The following ZNF502 variants were observed in gnomAD, a reference collection of about 807,000 sequenced individuals.
The protein encoded by ZNF502 is zinc finger protein 502.
A neutral mutation model predicts 43.6 loss-of-function variants in ZNF502; 29 were observed. That is an observed-to-expected ratio of 0.67 (90% CI 0.50 to 0.91). ZNF502 has a LOEUF of 0.91. ZNF502 is among the 40% of genes least tolerant of loss of function. The pLI, the probability that ZNF502 is intolerant of heterozygous loss-of-function variation, is 0.00. For missense variants in ZNF502, 591 were observed against 647.2 expected, an observed-to-expected ratio of 0.91 and a Z score of 0.94; for synonymous variants, 171 against 207.4, an observed-to-expected ratio of 0.82 and a Z score of 1.51.
Position 44,720,237 on chromosome 3 carries a change from A to T in ZNF502, c.-25A>T. 2 of 1,613,940 alleles carry T rather than the reference A, an allele frequency of 1.2e-6. No individual in the cohort carries two copies. The highest frequency in any genetic ancestry group is 1.7e-6 in the Non-Finnish European group (2 of 1,179,878). On this transcript the variant is annotated 5_prime_UTR_variant, in exon 2 of 3. Coordinates refer to ENST00000436624, the MANE Select transcript of ZNF502 (RefSeq NM_001134442.3). ...TTTTCCAGACCTGAAGTGTTTTCCA[A>T]TCAAAGCGAAGAGACGATCTGTGGA...
At chr3:44,718,838 A>G (rs1704218839) in intron 1 of ZNF502, among the ~76,000 whole-genome samples, 1 of 152,126 alleles carries the variant, frequency 6.6e-6, no homozygotes, top group Admixed American at 6.5e-5. Flanking sequence ...AGCGTCTAGC[A>G]CTGATTAGTC....
rs1320178775 is a variant in ZNF502, at chr3:44,722,523, G to A, written c.*71G>A. ...GAATCTGACTGGGAGTAGAGGGGCA[G>A]GTAGAGTTCCTGGAGGGAAGGATGA... On this transcript the variant is annotated 3_prime_UTR_variant, in exon 3 of 3. Transcript: ENST00000436624. 4.6e-6 allele frequency: 7 copies of A among 1,518,392 alleles called. No homozygotes were observed. Among genetic ancestry groups the A allele is most frequent in the Non-Finnish European group, 5.3e-6 (6 of 1,138,424 alleles). 94.1% of individuals were successfully genotyped at this position (1,518,392 alleles called of 1,614,324 possible). A position where few individuals can be genotyped will look rare whatever the true frequency, so the allele number is the denominator to read the frequency against.
chr3:44,722,629 G>T lies in ZNF502; in HGVS notation c.*177G>T. 1.3e-6 allele frequency: 1 copy of T among 770,538 alleles called. No homozygotes were observed. The highest frequency in any genetic ancestry group is 2.6e-5 in the East Asian group (1 of 38,148). The allele number at this position is 770,538 out of a possible 1,614,324, so 47.7% of individuals were successfully genotyped here. A position where few individuals can be genotyped will look rare whatever the true frequency, so the allele number is the denominator to read the frequency against. On this transcript the variant is annotated 3_prime_UTR_variant, in exon 3 of 3. Transcript: ENST00000436624. ...CTTAGGGAATGCAGAGCCTACTTGA[G>T]GTGGGCATCTGGGAATACAGGGTAG...
rs1467780121 is a variant in ZNF502, at chr3:44,722,065, C to T, written c.1248C>T (p.Phe416=). 13 of 1,614,146 alleles carry T rather than the reference C, an allele frequency of 8.1e-6. No homozygotes were observed. The highest frequency in any genetic ancestry group is 1.7e-5 in the Admixed American group (1 of 60,022). ...AATGCAGTGAATGTGGTAAAGCCTT[C>T]ATTCAGAGCATTTGCCTTATTCGGC... is the stretch of plus-strand genomic sequence containing the variant. ...PYKCSECGKA[F]IQSICLIRHQ... Residue 416 remains phenylalanine, a synonymous_variant, in exon 3 of 3, where the codon TTC becomes TTT. Transcript: ENST00000436624.
intron 1 of ZNF502, among the ~76,000 whole-genome samples, chr3:44,713,140 A>G (rs185765024): frequency 6.6e-6 from 1 of 152,314 alleles, no homozygotes; most frequent in East Asian, 1.9e-4. Context: ...CTGTTTTTAT[A>G]GGAGACGGCA....
At chr3:44,718,882 A>T (rs1395210890) in intron 1 of ZNF502, among the ~76,000 whole-genome samples, 1 of 151,892 alleles carries the variant, frequency 6.6e-6, no homozygotes, top group African/African-American at 2.4e-5. Flanking sequence ...TGAGTCTCTG[A>T]GTCTCTGTAG....
chr3:44,722,568 C>A lies in ZNF502; in HGVS notation c.*116C>A. 7.5e-7 allele frequency: 1 copy of A among 1,324,946 alleles called. No individual in the cohort carries two copies. Among genetic ancestry groups the A allele is most frequent in the Non-Finnish European group, 1.0e-6 (1 of 982,662 alleles). 82.1% of individuals were successfully genotyped at this position (1,324,946 alleles called of 1,614,324 possible). On this transcript the variant is annotated 3_prime_UTR_variant, in exon 3 of 3. Transcript: ENST00000436624. ...GGATGAAGGAGCCTTGGCTACTGTA[C>A]TCTGAGAGGAATGTTTCCAGAAATG...
chr3:44,717,585 A>G (rs1704181751), intron 1 of ZNF502, among the ~76,000 whole-genome samples: 1 of 151,160 alleles, frequency 6.6e-6, no homozygotes, highest in Non-Finnish European at 1.5e-5. Context: ...CTAATTTTGT[A>G]TTTTTAGTAG....
At position 44,721,545 on chromosome 3, in the gene ZNF502, A is replaced by T. The variant is rs7640654; in HGVS notation, c.728A>T (p.Glu243Val). The T allele has an allele frequency of 3.7e-5, 60 of 1,613,742 alleles. No individual in the cohort carries two copies. In the Admixed American group the frequency reaches 9.8e-4, roughly 26 times the overall value. Reference protein sequence around the residue: ...HTGEKPYKCNECGNSFRNHSH... With the variant: ...HTGEKPYKCNVCGNSFRNHSH... ...GGAGAGAAACCTTATAAATGCAATGAATGTGGGAATTCCTTCCGCAATCAC... is the reference window on the plus strand; with the variant it reads ...GGAGAGAAACCTTATAAATGCAATGTATGTGGGAATTCCTTCCGCAATCAC... The change falls in exon 3 of 3, where the codon GAA (glutamate) becomes GTA (valine). Residue 243 changes from glutamate to valine, a missense_variant. Glu to Val is a moderately radical substitution (Grantham distance 121). Transcript: ENST00000436624.
chr3:44,715,741 C>CT lies in ZNF502; in HGVS notation c.-60+3002dup, dbSNP rs1293349661. Among the ~76,000 whole-genome samples, 4 of 152,288 alleles carry CT rather than the reference C, an allele frequency of 2.6e-5. No homozygotes were observed. In the South Asian group the frequency reaches 6.2e-4, roughly 24 times the overall value. The stretch of plus-strand genomic sequence containing the variant: ...TTTAATTTTTGAGAGGGATCTCACT[C>CT]TGTCACCCAGGTTGGAATGCAATGG... On this transcript the variant is annotated intron_variant, in intron 1 of 2. Transcript: ENST00000436624.
rs759632314 is a variant in ZNF502 at position 44,721,761 on chromosome 3, G to T, written c.944G>T (p.Arg315Ile). Reference sequence around the variant, plus strand: ...CACTCAAATCTTACGCAACATCAGAGAATTCACACTGGGGAAAAACCCCAT... The same window carrying T: ...CACTCAAATCTTACGCAACATCAGATAATTCACACTGGGGAAAAACCCCAT... ...RKHSNLTQHQRIHTGEKPHKC... is the reference protein window; with the variant it reads ...RKHSNLTQHQIIHTGEKPHKC... Residue 315 changes from arginine (R) to isoleucine (I), a missense_variant, in exon 3 of 3, where the codon AGA (arginine) becomes ATA (isoleucine). Transcript: ENST00000436624. 1.2e-6 allele frequency: 2 copies of T among 1,613,536 alleles called. No homozygotes were observed. Among genetic ancestry groups the T allele is most frequent in the South Asian group, 1.1e-5 (1 of 91,028 alleles).
intron 1 of ZNF502, among the ~76,000 whole-genome samples, chr3:44,719,975 T>C (rs748969484): frequency 2.6e-5 from 4 of 152,222 alleles, no homozygotes; most frequent in Non-Finnish European, 5.9e-5. Flanking sequence ...AAATATTTGA[T>C]AGTATGTTAG....
intron 1 of ZNF502, among the ~76,000 whole-genome samples, chr3:44,716,254 C>G (rs1263428939): frequency 1.5e-4 from 23 of 149,018 alleles, no homozygotes; most frequent in African/African-American, 5.7e-4. Context: ...GTGGCGTGAT[C>G]TCGGCTCACT....
chr3:44,720,753 C>A lies in ZNF502; in HGVS notation c.56-120C>A, dbSNP rs1704291683. The A allele has an allele frequency of 9.0e-6, 10 of 1,108,264 alleles. No homozygotes were observed. In the East Asian group the frequency reaches 2.4e-4, roughly 26 times the overall value. The allele number at this position is 1,108,264 out of a possible 1,614,324, so 68.7% of individuals were successfully genotyped here. A position where few individuals can be genotyped will look rare whatever the true frequency, so the allele number is the denominator to read the frequency against. Reference sequence around the variant, plus strand: ...AACTCTAACTTACTTGCCACACTTGCTGTTACTGGCCCTTCATCATAGGCC... The same window carrying A: ...AACTCTAACTTACTTGCCACACTTGATGTTACTGGCCCTTCATCATAGGCC... On this transcript the variant is annotated intron_variant, in intron 2 of 2. Coordinates refer to ENST00000436624, the MANE Select transcript of ZNF502 (RefSeq NM_001134442.3).
At chr3:44,716,639 C>T (rs1247746548) in intron 1 of ZNF502, among the ~76,000 whole-genome samples, 2 of 152,176 alleles carry the variant, frequency 1.3e-5, no homozygotes, top group African/African-American at 2.4e-5. Context: ...ACTTTCACAC[C>T]TGATGTATAT....
Position 44,723,260 on chromosome 3 carries a change from A to G in ZNF502, c.*808A>G, listed in dbSNP as rs1035591724. The G allele has an allele frequency of 4.6e-5, 7 of 152,220 alleles. No homozygotes were observed. Among genetic ancestry groups the G allele is most frequent in the Admixed American group, 3.9e-4 (6 of 15,280 alleles). The allele number at this position is 152,220 out of a possible 1,614,324, so 9.4% of individuals were successfully genotyped here. A position where few individuals can be genotyped will look rare whatever the true frequency, so the allele number is the denominator to read the frequency against. On this transcript the variant is annotated 3_prime_UTR_variant, in exon 3 of 3. Coordinates refer to ENST00000436624, the MANE Select transcript of ZNF502 (RefSeq NM_001134442.3). Reference sequence around the variant, plus strand: ...CTCAGAGGAAATATGGTTACCCAGGAAAGAAATGGTCTGCTAGAGTGATAA... The same window carrying G: ...CTCAGAGGAAATATGGTTACCCAGGGAAGAAATGGTCTGCTAGAGTGATAA...
Position 44,721,593 on chromosome 3 carries a change from G to T in ZNF502, c.776G>T (p.Arg259Ile), listed in dbSNP as rs770296763. Residue 259 changes from arginine (R) to isoleucine (I), a missense_variant, in exon 3 of 3, where the codon AGA becomes ATA. Coordinates refer to ENST00000436624, the MANE Select transcript of ZNF502 (RefSeq NM_001134442.3). ...RNHSHLTEHQ[R>I]IHTGEKPYKC... is the part of the protein sequence containing the mutation. The stretch of plus-strand genomic sequence containing the variant: ...CACTCACATCTCACTGAACACCAGA[G>T]AATTCACACTGGAGAGAAACCTTAT... The T allele has an allele frequency of 2.1e-5, 34 of 1,614,126 alleles. 1 individual carries two copies. In the Admixed American group the frequency reaches 4.7e-4, roughly 22 times the overall value.
rs1172849725 is a variant in ZNF502 at position 44,712,694 on chromosome 3, C to T, written c.-106C>T. ...GGCTGGTGTCCTGGCCCCAGTCCAC[C>T]TCTGGGAGCGCCTGCGCCGCTCCGC... is the stretch of plus-strand genomic sequence containing the variant. On this transcript the variant is annotated 5_prime_UTR_variant, in exon 1 of 3. Coordinates refer to ENST00000436624, the MANE Select transcript of ZNF502 (RefSeq NM_001134442.3). The T allele has an allele frequency of 1.3e-5, 2 of 152,336 alleles. No individual in the cohort carries two copies. The highest frequency in any genetic ancestry group is 2.4e-5 in the African/African-American group (1 of 41,482). 9.4% of individuals were successfully genotyped at this position (152,336 alleles called of 1,614,324 possible). A position where few individuals can be genotyped will look rare whatever the true frequency, so the allele number is the denominator to read the frequency against.
In ZNF502 at chr3:44,721,595, A is replaced by G. The variant is rs1317820177; in HGVS notation, c.778A>G (p.Ile260Val). ...CTCACATCTCACTGAACACCAGAGA[A>G]TTCACACTGGAGAGAAACCTTATAA... The part of the protein sequence containing the change: ...NHSHLTEHQR[I>V]HTGEKPYKCN... Residue 260 changes from isoleucine to valine, a missense_variant, in exon 3 of 3, where the codon ATT becomes GTT. Transcript: ENST00000436624. 1.2e-6 allele frequency: 2 copies of G among 1,614,162 alleles called. No homozygotes were observed. Among genetic ancestry groups the G allele is most frequent in the South Asian group, 2.2e-5 (2 of 91,084 alleles).
Sources: allele counts gnomAD v4.1 joint callset (sites outside exome capture counted in the v4.1 genomes callset), GRCh38; gene constraint gnomAD v4.1.1; transcripts MANE v1.5; gene names NCBI Gene and HGNC (gene_info 2026-07-23, HGNC 2026-07-21).